The following ARNT variants were observed in gnomAD, a reference collection of about 807,000 sequenced individuals.
ARNT encodes the protein aryl hydrocarbon receptor nuclear translocator, also known as class E basic helix-loop-helix protein 2.
In ARNT, 30 loss-of-function variants were observed where a neutral mutation model predicts 105.0. The ratio of observed to expected loss-of-function variants is 0.29; its 90% confidence interval spans 0.21 to 0.39. The LOEUF is 0.39. Ranked by LOEUF, ARNT falls within the 10% of genes least tolerant of loss-of-function variation. ARNT has a pLI of 1.00. For missense variants in ARNT, 748 were observed against 978.7 expected, an observed-to-expected ratio of 0.76 and a Z score of 3.15; for synonymous variants, 304 against 344.0, an observed-to-expected ratio of 0.88 and a Z score of 1.29.
intron 8 of ARNT, among the ~76,000 whole-genome samples, chr1:150,834,248 T>C (rs987887199): frequency 2.0e-5 from 3 of 152,190 alleles, no homozygotes; most frequent in African/African-American, 7.2e-5. Flanking sequence ...GCCAAGTTCA[T>C]TTCTTTATAT....
At chr1:150,832,231 A>T in intron 9 of ARNT, 103 bp downstream of exon 9, 1 of 1,222,648 alleles carries the variant, frequency 8.2e-7, no homozygotes, top group Non-Finnish European at 1.2e-6. Context: ...AAGGGATGCA[A>T]GTGAGAGCTG....
chr1:150,823,849 C>CA (rs1657635844), intron 13 of ARNT, among the ~76,000 whole-genome samples: 2 of 122,956 alleles, frequency 1.6e-5, no homozygotes, highest in Non-Finnish European at 1.7e-5. Flanking sequence ...CGTGCCCAGA[C>CA]TTTTTTTTTT....
intron 1 of ARNT, among the ~76,000 whole-genome samples, chr1:150,866,884 G>A (rs1449923066): frequency 6.6e-6 from 1 of 152,140 alleles, no homozygotes; most frequent in Admixed American, 6.6e-5. Flanking sequence ...ATACTGGTGA[G>A]TACATACATA....
chr1:150,839,719 G>A, intron 5 of ARNT, 65 bp from the exon 6 acceptor site: 2 of 1,467,692 alleles, frequency 1.4e-6, no homozygotes, highest in South Asian at 1.2e-5. Context: ...AGCAGGGAGA[G>A]TGATATGGAT....
chr1:150,830,068 C>G, intron 10 of ARNT, 88 bp from the exon 11 acceptor site: 1 of 1,451,212 alleles, frequency 6.9e-7, no homozygotes, highest in Non-Finnish European at 9.5e-7. Context: ...CAAAATAGAC[C>G]TATTTATGGG....
At chr1:150,866,579 C>T (rs1666623954) in intron 1 of ARNT, among the ~76,000 whole-genome samples, 1 of 152,102 alleles carries the variant, frequency 6.6e-6, no homozygotes, top group Non-Finnish European at 1.5e-5. Context: ...AGAGGACTCC[C>T]TTATAATTTT....
At chr1:150,828,587 C>T (rs894576016) in intron 12 of ARNT, among the ~76,000 whole-genome samples, 2 of 152,038 alleles carry the variant, frequency 1.3e-5, no homozygotes, top group Non-Finnish European at 2.9e-5. Context: ...TCTTTGTTTT[C>T]AAGACCTCTT....
intron 14 of ARNT, among the ~76,000 whole-genome samples, chr1:150,821,472 A>G (rs777093546): frequency 6.6e-6 from 1 of 152,232 alleles, no homozygotes; most frequent in Non-Finnish European, 1.5e-5. Flanking sequence ...ATTTTAAGCA[A>G]ACTGGCAACA....
At chr1:150,821,123 GTATT>G (rs1656974621) in intron 14 of ARNT, among the ~76,000 whole-genome samples, 1 of 152,176 alleles carries the variant, frequency 6.6e-6, no homozygotes, top group South Asian at 2.1e-4. Flanking sequence ...GCACTGTACT[GTATT>G]TATCGTTATC....
chr1:150,812,512 T>C (rs587703485), intron 21 of ARNT: 1 of 158,988 alleles, frequency 6.3e-6, no homozygotes, highest in East Asian at 1.8e-4. Flanking sequence ...CCATTCACTC[T>C]TGCAGTCCCT....
At chr1:150,832,971 A>C (rs1232609132) in intron 8 of ARNT, among the ~76,000 whole-genome samples, 1 of 152,208 alleles carries the variant, frequency 6.6e-6, no homozygotes, top group Non-Finnish European at 1.5e-5. Flanking sequence ...AATAAAACTT[A>C]CATAGGGTTA....
At chr1:150,823,713 G>C (rs1476326274) in intron 13 of ARNT, among the ~76,000 whole-genome samples, 1 of 152,020 alleles carries the variant, frequency 6.6e-6, no homozygotes, top group African/African-American at 2.4e-5. Flanking sequence ...ACCACGCCCA[G>C]CTAATTTTTT....
At position 150,839,485 on chromosome 1, in the gene ARNT, T is replaced by C. The variant is rs373016604; in HGVS notation, c.442A>G (p.Thr148Ala). The C allele has an allele frequency of 9.3e-6, 15 of 1,614,232 alleles. No homozygotes were observed. The highest frequency in any genetic ancestry group is 1.2e-5 in the Non-Finnish European group (14 of 1,180,040). The change falls in exon 6 of 22, where the codon ACA becomes GCA. Residue 148 changes from threonine (T) to alanine (A), a missense_variant. Coordinates refer to ENST00000358595, the MANE Select transcript of ARNT (RefSeq NM_001668.4). ...HMKSLRGTGN[T>A]STDGSYKPSF... ...GGCTTATAGGAGCCATCAGTGGATG[T>C]GTTGCCAGTTCCCCGCAAGGACTTC...
At chr1:150,830,249 G>A (rs1274609530) in intron 10 of ARNT, 1 of 310,578 alleles carries the variant, frequency 3.2e-6, no homozygotes, top group African/African-American at 2.2e-5. Flanking sequence ...GGGAGGCTGA[G>A]GTGAGAGAAT....
At chr1:150,828,167 T>C (rs1216832376) in intron 12 of ARNT, among the ~76,000 whole-genome samples, 1 of 152,140 alleles carries the variant, frequency 6.6e-6, no homozygotes, top group Non-Finnish European at 1.5e-5. Context: ...TATAATTTTT[T>C]TTCTTCTGTG....
chr1:150,835,953 A>G (rs587715334), intron 7 of ARNT, among the ~76,000 whole-genome samples: 1 of 152,286 alleles, frequency 6.6e-6, no homozygotes, highest in African/African-American at 2.4e-5. Context: ...AATACCAGAT[A>G]ATTATCCATA....
chr1:150,812,023 A>G lies in ARNT; in HGVS notation c.2368T>C (p.Ter790GlnextTer65). Residue 790 changes from the stop codon to glutamine, a stop_lost, in exon 22 of 22, where the codon TAG becomes CAG. Coordinates refer to ENST00000358595, the MANE Select transcript of ARNT (RefSeq NM_001668.4). ...DLTMFPPFSE[*>Q] ...CCCTTATCCTCACCCCAATAGTTCT[A>G]TTCTGAAAAGGGGGGAAACATAGTT... is the stretch of plus-strand genomic sequence containing the variant. 2 of 1,552,374 alleles carry G rather than the reference A, an allele frequency of 1.3e-6. No individual in the cohort carries two copies. Among genetic ancestry groups the G allele is most frequent in the Non-Finnish European group, 1.7e-6 (2 of 1,145,738 alleles).
intron 2 of ARNT, 132 bp downstream of exon 2, chr1:150,858,217 A>T (rs1487113583): frequency 4.7e-6 from 3 of 635,050 alleles, no homozygotes; most frequent in Middle Eastern, 2.6e-4. Flanking sequence ...CTTATATGAC[A>T]GTAGTGTAGT....
At chr1:150,867,507 A>T (rs1268173773) in intron 1 of ARNT, among the ~76,000 whole-genome samples, 1 of 152,228 alleles carries the variant, frequency 6.6e-6, no homozygotes, top group Non-Finnish European at 1.5e-5. Context: ...CAACATAGTA[A>T]AACCCTGTCT....
Sources: allele counts gnomAD v4.1 joint callset (sites outside exome capture counted in the v4.1 genomes callset), GRCh38; gene constraint gnomAD v4.1.1; transcripts MANE v1.5; gene names NCBI Gene and HGNC (gene_info 2026-07-23, HGNC 2026-07-21).